Variants in COLGALT2 observed in about 807,000 individuals in gnomAD.
COLGALT2 encodes the protein collagen beta(1-O)galactosyltransferase 2, also known as procollagen galactosyltransferase 2.
Under a neutral mutation model 73.4 loss-of-function variants are expected in COLGALT2, and 49 were observed. The observed-to-expected ratio is 0.67, with a 90% CI of 0.53 to 0.85. The LOEUF (loss-of-function observed/expected upper bound fraction) is 0.85, where lower values mean the gene tolerates loss of function less well. COLGALT2 is among the 40% of genes least tolerant of loss of function. The pLI is 0.00. For synonymous variants in COLGALT2, 295 were observed against 307.6 expected (o/e 0.96, Z 0.43); for missense variants, 722 against 790.2 (o/e 0.91, Z 1.03).
At chr1:183,930,569 CTTTTTTTTT>C (rs397861890) in intron 11 of COLGALT2, among the ~76,000 whole-genome samples, 8 of 114,070 alleles carry the variant, frequency 7.0e-5, no homozygotes, top group African/African-American at 1.3e-4. Context: ...TTTTCTTTTT[CTTTTTTTTT>C]TTTTTTTTTT....
chr1:183,942,793 G>A (rs1670149473), intron 10 of COLGALT2, among the ~76,000 whole-genome samples: 1 of 152,112 alleles, frequency 6.6e-6, no homozygotes, highest in Non-Finnish European at 1.5e-5. Flanking sequence ...TTTTTTTCCT[G>A]TATCCTTATC....
chr1:183,956,884 CTT>C (rs1351489427), intron 6 of COLGALT2, among the ~76,000 whole-genome samples: 1 of 152,172 alleles, frequency 6.6e-6, no homozygotes, highest in Non-Finnish European at 1.5e-5. Flanking sequence ...ACCTAAGAAA[CTT>C]AGTCTGTGGG....
intron 9 of COLGALT2, 37 bp from the exon 10 acceptor site, chr1:183,944,360 A>T: frequency 6.3e-7 from 1 of 1,584,488 alleles, no homozygotes; most frequent in Non-Finnish European, 8.5e-7. Flanking sequence ...CCCTATGAAA[A>T]GTTTGAAACC....
rs374638583 is a variant in COLGALT2, at chr1:183,942,033, C to T, written c.1398-1246G>A. ...GTGCAATCTGAGCTCACTGTAAGCT[C>T]CGCCTCCTGGGTTCATGCCAGTCTC... is the stretch of plus-strand genomic sequence containing the variant. On this transcript the variant is annotated intron_variant, in intron 10 of 11. Coordinates refer to ENST00000361927, the MANE Select transcript of COLGALT2 (RefSeq NM_015101.4). Among the ~76,000 whole-genome samples the T allele has an allele frequency of 4.9e-4, 74 of 151,804 alleles. No homozygotes were observed. In the South Asian group the frequency reaches 0.014, roughly 28 times the overall value.
At chr1:183,965,156 AAAC>A (rs1670831493) in intron 5 of COLGALT2, among the ~76,000 whole-genome samples, 1 of 152,224 alleles carries the variant, frequency 6.6e-6, no homozygotes, top group African/African-American at 2.4e-5. Flanking sequence ...TTCACCGAGC[AAAC>A]TCATTAGCTC....
At chr1:183,975,310 C>T (rs2378795) in intron 2 of COLGALT2, 96 bp from the exon 3 acceptor site, 454,878 of 665,300 alleles carry the variant, frequency 0.68, 162,641 homozygotes, top group Non-Finnish European at 0.76. Flanking sequence ...TTCTATCAAT[C>T]CCAGGAAGTA....
intron 10 of COLGALT2, among the ~76,000 whole-genome samples, chr1:183,943,340 T>C (rs997792998): frequency 2.0e-5 from 3 of 152,156 alleles, no homozygotes; most frequent in Admixed American, 6.5e-5. Flanking sequence ...AGTTGATGAA[T>C]TGCCTTTGAC....
At chr1:184,028,163 C>T (rs1174908427) in intron 1 of COLGALT2, among the ~76,000 whole-genome samples, 1 of 152,148 alleles carries the variant, frequency 6.6e-6, no homozygotes, top group Non-Finnish European at 1.5e-5. Context: ...GTCTATTAGT[C>T]CAGCAAGGGA....
chr1:183,988,543 T>C (rs564789576), intron 1 of COLGALT2, among the ~76,000 whole-genome samples: 1 of 152,308 alleles, frequency 6.6e-6, no homozygotes, highest in South Asian at 2.1e-4. Context: ...TTTCTGTCCC[T>C]ATGGATTTGC....
chr1:184,005,154 G>A (rs1358951384), intron 1 of COLGALT2, among the ~76,000 whole-genome samples: 6 of 152,048 alleles, frequency 3.9e-5, no homozygotes, highest in East Asian at 1.9e-4. Context: ...CTACTGAGCC[G>A]GGGCTCAGTC....
intron 1 of COLGALT2, among the ~76,000 whole-genome samples, chr1:183,984,234 G>A (rs1390333842): frequency 2.0e-5 from 3 of 152,144 alleles, no homozygotes; most frequent in African/African-American, 4.8e-5. Flanking sequence ...GTGAAACCCC[G>A]TCTCTACTAA....
In COLGALT2 at chr1:183,978,501, C is replaced by T. The variant is rs942145440; in HGVS notation, c.283G>A (p.Val95Met). 2 of 1,606,898 alleles carry T rather than the reference C, an allele frequency of 1.2e-6. No individual in the cohort carries two copies. Residue 95 changes from valine to methionine, a missense_variant, in exon 2 of 12, where the codon GTG (valine) becomes ATG (methionine). By Grantham distance (21) the Val-to-Met change is conservative. Coordinates refer to ENST00000361927, the MANE Select transcript of COLGALT2 (RefSeq NM_015101.4). ...CTGAATATTTCTGTTGTATTATCCACATTGTGATCAGTGGCTGCCCTGCAT... is the reference window on the plus strand; with the variant it reads ...CTGAATATTTCTGTTGTATTATCCATATTGTGATCAGTGGCTGCCCTGCAT... ...MAIWAATDHN[V>M]DNTTEIFREW...
intron 8 of COLGALT2, among the ~76,000 whole-genome samples, chr1:183,947,492 A>G (rs1216361445): frequency 2.0e-5 from 3 of 152,222 alleles, no homozygotes; most frequent in Non-Finnish European, 2.9e-5. Context: ...GAATTAAACA[A>G]TACACTCCTA....
chr1:184,012,014 G>C (rs1014169861), intron 1 of COLGALT2, among the ~76,000 whole-genome samples: 2 of 152,126 alleles, frequency 1.3e-5, no homozygotes, highest in Non-Finnish European at 2.9e-5. Context: ...ATTTTTCTTT[G>C]TCCTTTCTCA....
chr1:184,007,040 G>C (rs564147307), intron 1 of COLGALT2, among the ~76,000 whole-genome samples: 34 of 152,346 alleles, frequency 2.2e-4, no homozygotes, highest in African/African-American at 7.2e-4. Flanking sequence ...TGAGGAAGCA[G>C]TGTTAGCCAT....
downstream of COLGALT2, among the ~76,000 whole-genome samples, chr1:183,931,860 T>TA (rs35058267): frequency 0.066 from 7,855 of 119,906 alleles, 249 homozygotes; most frequent in Admixed American, 0.12. Flanking sequence ...GTTCCTGCCA[T>TA]AAAAAAAAAA....
intron 6 of COLGALT2, 135 bp downstream of exon 6, chr1:183,963,766 A>T: frequency 1.0e-6 from 1 of 961,458 alleles, no homozygotes; most frequent in South Asian, 2.7e-5. Context: ...AAGAATGAAC[A>T]AATAAATAGC....
chr1:183,942,063 C>A (rs1029970853), intron 10 of COLGALT2, among the ~76,000 whole-genome samples: 1 of 151,946 alleles, frequency 6.6e-6, no homozygotes, highest in Non-Finnish European at 1.5e-5. Flanking sequence ...AGTCTCCTGC[C>A]TCAGCCTCCT....
intron 1 of COLGALT2, among the ~76,000 whole-genome samples, chr1:184,006,891 C>T (rs544937710): frequency 3.3e-5 from 5 of 152,326 alleles, no homozygotes; most frequent in African/African-American, 9.6e-5. Context: ...CAATACCTGG[C>T]ATCTGCCAAT....
Sources: allele counts gnomAD v4.1 joint callset (sites outside exome capture counted in the v4.1 genomes callset), GRCh38; gene constraint gnomAD v4.1.1; transcripts MANE v1.5; gene names NCBI Gene and HGNC (gene_info 2026-07-23, HGNC 2026-07-21).